Variants in ZNF518B observed in about 807,000 individuals in gnomAD.
ZNF518B encodes zinc finger protein 518B.
In ZNF518B, 23 loss-of-function variants were observed where a neutral mutation model predicts 56.3. That is an observed-to-expected ratio of 0.41 (90% CI 0.29 to 0.58). ZNF518B has a LOEUF of 0.58. ZNF518B is among the 20% of genes least tolerant of loss of function. The probability of loss-of-function intolerance (pLI) is 0.32; values close to 1 mark genes in which losing one functional copy is unlikely to be tolerated. For missense variants in ZNF518B, 1,460 were observed against 1,272.1 expected (o/e 1.15, Z -2.25); for synonymous variants, 529 against 465.9 (o/e 1.14, Z -1.74).
Position 10,440,279 on chromosome 4 carries a change from T to A in ZNF518B, c.*2825A>T, listed in dbSNP as rs1485271428. ...ATAATATAGTCTATCAGAGTATACT[T>A]TGGGTCAGGTTTTTTTTTTTTAACT... On this transcript the variant is annotated 3_prime_UTR_variant, in exon 3 of 3. Transcript: ENST00000326756. 9.6e-6 allele frequency: 1 copy of A among 104,186 alleles called. No individual in the cohort carries two copies. Among genetic ancestry groups the A allele is most frequent in the Non-Finnish European group, 2.3e-5 (1 of 43,340 alleles). The allele number at this position is 104,186 out of a possible 1,614,324, so 6.5% of individuals were successfully genotyped here. A position where few individuals can be genotyped will look rare whatever the true frequency, so the allele number is the denominator to read the frequency against.
Position 10,443,428 on chromosome 4 carries a change from T to A in ZNF518B, c.2901A>T (p.Lys967Asn), listed in dbSNP as rs369491633. ...TNVMKVINKYKGNVLKVVLSE... is the reference protein window; with the variant it reads ...TNVMKVINKYNGNVLKVVLSE... Reference sequence around the variant, plus strand: ...ATAAAACAACTTTGAGGACATTGCCTTTGTATTTATTTATTACCTTCATCA... The same window carrying A: ...ATAAAACAACTTTGAGGACATTGCCATTGTATTTATTTATTACCTTCATCA... The change falls in exon 3 of 3, where the codon AAA becomes AAT. Residue 967 changes from lysine to asparagine, a missense_variant. Physicochemically the swap from Lys to Asn is moderately conservative, Grantham distance 94 (BLOSUM62 0). Transcript: ENST00000326756. The A allele has an allele frequency of 6.2e-6, 10 of 1,614,218 alleles. No homozygotes were observed. The South Asian group carries it at 9.9e-5, about 16-fold the overall frequency.
upstream of ZNF518B, among the ~76,000 whole-genome samples, chr4:10,458,627 G>T (rs112869154): frequency 0.012 from 1,789 of 152,288 alleles, 34 homozygotes; most frequent in African/African-American, 0.041. Flanking sequence ...CCTGATCAGG[G>T]AGCTGCTAGG....
At position 10,446,296 on chromosome 4, in the gene ZNF518B, T is replaced by G. The variant is rs139285451; in HGVS notation, c.33A>C (p.Thr11=). 21 of 1,614,110 alleles carry G rather than the reference T, an allele frequency of 1.3e-5. No homozygotes were observed. The Admixed American group carries it at 3.3e-4, about 26-fold the overall frequency. The part of the protein sequence containing the change: MKDIGQQLYT[T]HLNGGHNSLT... ...AGGAATTATGTCCGCCGTTCAAGTG[T>G]GTAGTGTATAGCTGCTGTCCAATAT... Residue 11 remains threonine, a synonymous_variant, in exon 3 of 3, where the codon ACA becomes ACC. Coordinates refer to ENST00000326756, the MANE Select transcript of ZNF518B (RefSeq NM_053042.3).
At chr4:10,460,530 C>G (rs543789671), upstream of ZNF518B, among the ~76,000 whole-genome samples, 5 of 152,070 alleles carry the variant, frequency 3.3e-5, no homozygotes, top group African/African-American at 1.2e-4. Context: ...AGATGGAGAA[C>G]AGGGGAGAGG....
Position 10,444,264 on chromosome 4 carries a change from G to A in ZNF518B, c.2065C>T (p.Arg689Cys), listed in dbSNP as rs749918333. ...TTTGATGCCTGCCCTACAGAGCGACGATGTGCACTATTTGAAGCCAAAGAT... is the reference window on the plus strand; with the variant it reads ...TTTGATGCCTGCCCTACAGAGCGACAATGTGCACTATTTGAAGCCAAAGAT... ...PSSLASNSAHRRSVGQASKGT... is the reference protein window; with the variant it reads ...PSSLASNSAHCRSVGQASKGT... The change falls in exon 3 of 3, where the codon CGT becomes TGT. Residue 689 changes from arginine to cysteine, a missense_variant. By Grantham distance (180) the Arg-to-Cys change is radical. Coordinates refer to ENST00000326756, the MANE Select transcript of ZNF518B (RefSeq NM_053042.3). 27 of 1,614,016 alleles carry A rather than the reference G, an allele frequency of 1.7e-5. No homozygotes were observed. Among genetic ancestry groups the A allele is most frequent in the African/African-American group, 1.6e-4 (12 of 74,902 alleles).
In ZNF518B at chr4:10,443,942, G is replaced by A. The variant is rs752956729; in HGVS notation, c.2387C>T (p.Ala796Val). Reference sequence around the variant, plus strand: ...TTCACTGCAAGGTATGCTGACAGGTGCTTCACATGTAGCCTCTATGATGTG... The same window carrying A: ...TTCACTGCAAGGTATGCTGACAGGTACTTCACATGTAGCCTCTATGATGTG... ...NAHIIEATCEAPVSIPCSERQ... is the reference protein window; with the variant it reads ...NAHIIEATCEVPVSIPCSERQ... The change falls in exon 3 of 3, where the codon GCA (alanine) becomes GTA (valine). Residue 796 changes from alanine (A) to valine (V), a missense_variant. Ala to Val is a moderately conservative substitution (Grantham distance 64). Transcript: ENST00000326756. 6.2e-7 allele frequency: 1 copy of A among 1,614,088 alleles called. No homozygotes were observed. Among genetic ancestry groups the A allele is most frequent in the African/African-American group, 1.3e-5 (1 of 74,930 alleles).
chr4:10,450,103 C>T (rs1433815509), intron 2 of ZNF518B, among the ~76,000 whole-genome samples: 2 of 152,292 alleles, frequency 1.3e-5, no homozygotes, highest in Admixed American at 6.5e-5. Flanking sequence ...CCAGCCAGAA[C>T]GCATGAGGAA....
Position 10,445,552 on chromosome 4 carries a change from T to G in ZNF518B, c.777A>C (p.Gln259His), listed in dbSNP as rs751373827. ...TTGCATGGAGAGAGAAACCTGACAG[T>G]TGGTCTGACCACTTATTTTGAAATG... is the stretch of plus-strand genomic sequence containing the variant. ...RTTFQNKWSDQLSGFSLHANK... is the reference protein window; with the variant it reads ...RTTFQNKWSDHLSGFSLHANK... The change falls in exon 3 of 3, where the codon CAA becomes CAC. Residue 259 changes from glutamine (Q) to histidine (H), a missense_variant. Coordinates refer to ENST00000326756, the MANE Select transcript of ZNF518B (RefSeq NM_053042.3). The G allele has an allele frequency of 8.7e-6, 14 of 1,614,188 alleles. No individual in the cohort carries two copies. The South Asian group carries it at 1.5e-4, about 18-fold the overall frequency.
In ZNF518B at chr4:10,445,208, G is replaced by A. The variant is rs772440785; in HGVS notation, c.1121C>T (p.Ala374Val). The A allele has an allele frequency of 1.2e-6, 2 of 1,614,124 alleles. No homozygotes were observed. Among genetic ancestry groups the A allele is most frequent in the South Asian group, 2.2e-5 (2 of 91,078 alleles). ...AGAATTACCTCCATTATCCCTCCCA[G>A]CTTCAAGGCAATTATTTTCTTCCAG... ...FPLEENNCLE[A>V]GRDNGGNSER... Residue 374 changes from alanine to valine, a missense_variant, in exon 3 of 3, where the codon GCT (alanine) becomes GTT (valine). By Grantham distance (64) the Ala-to-Val change is moderately conservative. Transcript: ENST00000326756.
chr4:10,447,443 G>A (rs574607759), intron 2 of ZNF518B, among the ~76,000 whole-genome samples: 1 of 152,162 alleles, frequency 6.6e-6, no homozygotes. Context: ...AATGATCTGT[G>A]GGAAGTGGGC....
At chr4:10,458,975 T>C (rs1715658273), upstream of ZNF518B, among the ~76,000 whole-genome samples, 1 of 152,228 alleles carries the variant, frequency 6.6e-6, no homozygotes, top group Non-Finnish European at 1.5e-5. Context: ...CCCTCTTAAG[T>C]CACACAGAAT....
chr4:10,459,134 G>A (rs574183805), upstream of ZNF518B, among the ~76,000 whole-genome samples: 1 of 152,096 alleles, frequency 6.6e-6, no homozygotes, highest in African/African-American at 2.4e-5. Context: ...TCCTCCCAAG[G>A]GGGTTGTCAA....
Position 10,442,872 on chromosome 4 carries a change from G to GA in ZNF518B, c.*231dup, listed in dbSNP as rs1435232064. 6.3e-6 allele frequency: 3 copies of GA among 478,180 alleles called. No individual in the cohort carries two copies. The highest frequency in any genetic ancestry group is 3.9e-5 in the African/African-American group (2 of 51,934). The allele number at this position is 478,180 out of a possible 1,614,324, so 29.6% of individuals were successfully genotyped here. On this transcript the variant is annotated 3_prime_UTR_variant, in exon 3 of 3. Coordinates refer to ENST00000326756, the MANE Select transcript of ZNF518B (RefSeq NM_053042.3). ...TGTTCAGTTTCACAGGCTCTCTCCA[G>GA]AAAAATGCATATGTACCAATTTGCA...
chr4:10,444,035 T>C lies in ZNF518B; in HGVS notation c.2294A>G (p.His765Arg), dbSNP rs759296340. The C allele has an allele frequency of 6.2e-6, 10 of 1,614,232 alleles. No individual in the cohort carries two copies. Among genetic ancestry groups the C allele is most frequent in the Admixed American group, 1.7e-5 (1 of 60,032 alleles). The change falls in exon 3 of 3, where the codon CAT becomes CGT. Residue 765 changes from histidine to arginine, a missense_variant. By Grantham distance (29) the His-to-Arg change is conservative. Coordinates refer to ENST00000326756, the MANE Select transcript of ZNF518B (RefSeq NM_053042.3). ...GGGGATTAACACTGGCGTGGCAACA[T>C]GAGCCTTCCTGGCCACTCTGCTTTT... ...KTKSRVARKA[H>R]VATPVLIPKG...
At chr4:10,450,474 A>G (rs1276284839) in intron 2 of ZNF518B, among the ~76,000 whole-genome samples, 1 of 152,222 alleles carries the variant, frequency 6.6e-6, no homozygotes, top group Non-Finnish European at 1.5e-5. Context: ...AGACAAGGTA[A>G]ATGGACACAG....
Position 10,440,752 on chromosome 4 carries a change from C to T in ZNF518B, c.*2352G>A, listed in dbSNP as rs1714636784. 1 of 152,142 alleles carries T rather than the reference C, an allele frequency of 6.6e-6. No homozygotes were observed. The highest frequency in any genetic ancestry group is 1.5e-5 in the Non-Finnish European group (1 of 68,034). The allele number at this position is 152,142 out of a possible 1,614,324, so 9.4% of individuals were successfully genotyped here. Reference sequence around the variant, plus strand: ...AAGTTGATGCTGCGAAGTGAAAATACTTCATGTTGACAGTTAACACTCTGA... The same window carrying T: ...AAGTTGATGCTGCGAAGTGAAAATATTTCATGTTGACAGTTAACACTCTGA... On this transcript the variant is annotated 3_prime_UTR_variant, in exon 3 of 3. Coordinates refer to ENST00000326756, the MANE Select transcript of ZNF518B (RefSeq NM_053042.3).
At position 10,440,713 on chromosome 4, in the gene ZNF518B, T is replaced by C. The variant is rs1453299576; in HGVS notation, c.*2391A>G. ...CCATCAAAGTATGCAAGTTGTGTTT[T>C]TACTTATGCTTGAAAGTTGATGCTG... On this transcript the variant is annotated 3_prime_UTR_variant, in exon 3 of 3. Coordinates refer to ENST00000326756, the MANE Select transcript of ZNF518B (RefSeq NM_053042.3). 6.7e-6 allele frequency: 1 copy of C among 148,668 alleles called. No individual in the cohort carries two copies. The highest frequency in any genetic ancestry group is 2.0e-4 in the East Asian group (1 of 5,062). 9.2% of individuals were successfully genotyped at this position (148,668 alleles called of 1,614,324 possible).
chr4:10,456,994 A>G (rs1715567117), intron 1 of ZNF518B: 2 of 149,844 alleles, frequency 1.3e-5, no homozygotes, highest in Non-Finnish European at 3.0e-5. Flanking sequence ...GCGGCGCACA[A>G]AGGCGAGCTG....
Position 10,444,380 on chromosome 4 carries a change from A to T in ZNF518B, c.1949T>A (p.Ile650Asn). The change falls in exon 3 of 3, where the codon ATT (isoleucine) becomes AAT (asparagine). Residue 650 changes from isoleucine (I) to asparagine (N), a missense_variant. Transcript: ENST00000326756. Reference sequence around the variant, plus strand: ...TTTAGACGTTGAGCTATTCCACTTAATGCCCTCGGGGACATTTTCAGATCC... The same window carrying T: ...TTTAGACGTTGAGCTATTCCACTTATTGCCCTCGGGGACATTTTCAGATCC... ...SSGSENVPEG[I>N]KWNSSTSKIK... is the part of the protein sequence containing the mutation. 6.2e-7 allele frequency: 1 copy of T among 1,614,180 alleles called. No individual in the cohort carries two copies. Among genetic ancestry groups the T allele is most frequent in the Non-Finnish European group, 8.5e-7 (1 of 1,180,028 alleles).
Sources: allele counts gnomAD v4.1 joint callset (sites outside exome capture counted in the v4.1 genomes callset), GRCh38; gene constraint gnomAD v4.1.1; transcripts MANE v1.5; gene names NCBI Gene and HGNC (gene_info 2026-07-23, HGNC 2026-07-21).